The following PTPRM variants were observed in gnomAD, a reference collection of about 807,000 sequenced individuals.
PTPRM encodes protein tyrosine phosphatase receptor type M, also known as receptor-type tyrosine-protein phosphatase mu.
In PTPRM, 47 loss-of-function variants were observed where a neutral mutation model predicts 186.7. That is an observed-to-expected ratio of 0.25 (90% CI 0.20 to 0.32). The LOEUF is 0.32. Among genes scored for constraint, PTPRM ranks in the 10% least tolerant of loss-of-function variants. PTPRM has a pLI of 1.00. For synonymous variants in PTPRM, 668 were observed against 674.9 expected, an observed-to-expected ratio of 0.99 and a Z score of 0.16; for missense variants, 1,494 against 1,865.0, an observed-to-expected ratio of 0.80 and a Z score of 3.66.
intron 5 of PTPRM, among the ~76,000 whole-genome samples, chr18:7,940,687 C>T (rs1484233435): frequency 6.6e-6 from 1 of 151,870 alleles, no homozygotes; most frequent in Non-Finnish European, 1.5e-5. Context: ...TGTGCCTTCT[C>T]GGTGGTCGTT....
rs1042989549 is a variant in PTPRM, at chr18:7,723,801, C to G, written c.74-50348C>G. Among the ~76,000 whole-genome samples, 4 of 152,288 alleles carry G rather than the reference C, an allele frequency of 2.6e-5. No homozygotes were observed. In the East Asian group the frequency reaches 7.7e-4, roughly 29 times the overall value. ...TGGGGGCGCGGGCTGGGAGAGCACC[C>G]TTTTTGTCTGCCTTTTCCTCCTGTG... is the stretch of plus-strand genomic sequence containing the variant. On this transcript the variant is annotated intron_variant, in intron 1 of 32. Transcript: ENST00000580170.
chr18:8,348,253 C>T (rs1451390781), intron 23 of PTPRM, among the ~76,000 whole-genome samples: 1 of 152,268 alleles, frequency 6.6e-6, no homozygotes, highest in Non-Finnish European at 1.5e-5. Flanking sequence ...AGCTGGGGAC[C>T]TGCTTCCCCC....
At chr18:7,808,846 T>C (rs147923505) in intron 2 of PTPRM, among the ~76,000 whole-genome samples, 1 of 152,364 alleles carries the variant, frequency 6.6e-6, no homozygotes, top group East Asian at 1.9e-4. Context: ...TGTGTGACTC[T>C]AATATTCTAT....
chr18:8,200,662 G>C (rs1322595964), intron 14 of PTPRM, among the ~76,000 whole-genome samples: 1 of 152,210 alleles, frequency 6.6e-6, no homozygotes, highest in Non-Finnish European at 1.5e-5. Context: ...GCAAGTTGTA[G>C]TCTTTTATTT....
At chr18:8,190,678 GTTAAT>G (rs1226145733) in intron 14 of PTPRM, among the ~76,000 whole-genome samples, 1 of 152,082 alleles carries the variant, frequency 6.6e-6, no homozygotes, top group African/African-American at 2.4e-5. Flanking sequence ...ATAAAATACA[GTTAAT>G]TTAATAGATA....
At chr18:7,664,543 C>T (rs1234404998) in intron 1 of PTPRM, among the ~76,000 whole-genome samples, 1 of 152,062 alleles carries the variant, frequency 6.6e-6, no homozygotes, top group Admixed American at 6.6e-5. Context: ...TGTCTAGGAG[C>T]GCATCCCAGG....
At chr18:7,675,624 A>G (rs1005515931) in intron 1 of PTPRM, among the ~76,000 whole-genome samples, 12 of 152,126 alleles carry the variant, frequency 7.9e-5, no homozygotes, top group Non-Finnish European at 1.8e-4. Context: ...GGTTCTGCTG[A>G]CGCTGGTTTA....
At position 8,113,677 on chromosome 18, in the gene PTPRM, C is replaced by T. The variant is rs1390912331; in HGVS notation, c.2048C>T (p.Thr683Ile). ...AQPFTIGDNK[T>I]YNGYWNTPLL... ...CCTTTTACAATTGGTGATAATAAGACATATAATGGATACTGGAACACTCCC... is the reference window on the plus strand; with the variant it reads ...CCTTTTACAATTGGTGATAATAAGATATATAATGGATACTGGAACACTCCC... The change falls in exon 12 of 33, where the codon ACA becomes ATA. Residue 683 changes from threonine (T) to isoleucine (I), a missense_variant. Physicochemically the swap from Thr to Ile is moderately conservative, Grantham distance 89. This residue lies in a region of PTPRM where 1,107 missense variants were observed against 1,350.2 expected (regional missense o/e 0.82). Transcript: ENST00000580170. 6.2e-7 allele frequency: 1 copy of T among 1,613,572 alleles called. No individual in the cohort carries two copies. Among genetic ancestry groups the T allele is most frequent in the Non-Finnish European group, 8.5e-7 (1 of 1,179,538 alleles).
At chr18:8,141,988 T>C (rs1170768950) in intron 13 of PTPRM, among the ~76,000 whole-genome samples, 2 of 152,200 alleles carry the variant, frequency 1.3e-5, no homozygotes, top group Non-Finnish European at 2.9e-5. Flanking sequence ...AGCAATTTGT[T>C]TAATGTGACA....
At chr18:8,032,910 C>G (rs1157431234) in intron 7 of PTPRM, among the ~76,000 whole-genome samples, 1 of 151,894 alleles carries the variant, frequency 6.6e-6, no homozygotes, top group Non-Finnish European at 1.5e-5. Flanking sequence ...TAAGGTTTAA[C>G]TGAAACAGAT....
chr18:8,383,066 G>A (rs2095747430), intron 29 of PTPRM, among the ~76,000 whole-genome samples: 1 of 151,952 alleles, frequency 6.6e-6, no homozygotes, highest in African/African-American at 2.4e-5. Context: ...TTGGGAGGCC[G>A]AGGCGGGTGG....
chr18:7,762,332 G>T (rs537810145), intron 1 of PTPRM, among the ~76,000 whole-genome samples: 12 of 151,968 alleles, frequency 7.9e-5, no homozygotes, highest in Non-Finnish European at 1.6e-4. Flanking sequence ...GCTGGGGGAG[G>T]GGTGGGACAA....
chr18:7,968,341 G>A (rs142364829), intron 7 of PTPRM, among the ~76,000 whole-genome samples: 77 of 147,454 alleles, frequency 5.2e-4, no homozygotes, highest in African/African-American at 1.8e-3. Context: ...GGTACCAGCC[G>A]CTGCGAAATC....
chr18:7,945,789 C>A (rs1186135972), intron 5 of PTPRM, among the ~76,000 whole-genome samples: 1 of 151,866 alleles, frequency 6.6e-6, no homozygotes, highest in East Asian at 1.9e-4. Context: ...AGTGTGTGCC[C>A]CATAAAAGAC....
At chr18:7,736,157 A>T (rs748170914) in intron 1 of PTPRM, among the ~76,000 whole-genome samples, 1 of 152,150 alleles carries the variant, frequency 6.6e-6, no homozygotes, top group Non-Finnish European at 1.5e-5. Context: ...TTTGGTCAAC[A>T]CTCACATGAC....
intron 2 of PTPRM, among the ~76,000 whole-genome samples, chr18:7,851,360 G>T (rs1308583642): frequency 6.6e-6 from 1 of 152,082 alleles, no homozygotes; most frequent in Admixed American, 6.6e-5. Flanking sequence ...AAGAGTTATG[G>T]ACCCAAATGT....
Position 8,016,376 on chromosome 18 carries a change from C to T in PTPRM, c.1133-53310C>T, listed in dbSNP as rs988556485. Among the ~76,000 whole-genome samples the T allele has an allele frequency of 4.0e-5, 6 of 151,768 alleles. 1 individual carries two copies. The Middle Eastern group carries it at 0.017, about 430-fold the overall frequency. ...CTCTACTGAAAATAAAAAAGTTAGC[C>T]AGGTTTGGTGGTGCATGCCTGTAAT... On this transcript the variant is annotated intron_variant, in intron 7 of 32. Coordinates refer to ENST00000580170, the MANE Select transcript of PTPRM (RefSeq NM_001105244.2).
intron 7 of PTPRM, among the ~76,000 whole-genome samples, chr18:8,052,109 C>T (rs1390791314): frequency 2.0e-5 from 3 of 152,158 alleles, no homozygotes; most frequent in African/African-American, 7.2e-5. Context: ...TATCTGCATT[C>T]CTAGTAAGCT....
intron 14 of PTPRM, among the ~76,000 whole-genome samples, chr18:8,157,365 C>T (rs905225621): frequency 3.9e-5 from 6 of 152,296 alleles, no homozygotes; most frequent in African/African-American, 7.2e-5. Flanking sequence ...TTGCGTGCCT[C>T]GAAGTCTTTG....
Sources: gnomAD v4.1 joint callset for allele counts (sites outside exome capture counted in the v4.1 genomes callset) on GRCh38, gnomAD v4.1.1 for gene constraint, gnomAD v4.1.1 regional missense constraint, MANE v1.5 for transcripts, NCBI Gene and HGNC (gene_info 2026-07-23, HGNC 2026-07-21) for gene names.